DSCAM: variants seen among roughly 807,000 people sequenced by gnomAD.
DSCAM encodes DS cell adhesion molecule, also known as cell adhesion molecule DSCAM.
DSCAM carries 47 observed loss-of-function variants against 217.7 expected under a neutral mutation model. That is an observed-to-expected ratio of 0.22 (90% CI 0.17 to 0.28). The LOEUF is 0.28. Ranked by LOEUF, DSCAM falls within the 10% of genes least tolerant of loss-of-function variation. DSCAM has a pLI of 1.00. For synonymous variants in DSCAM, 1,056 were observed against 1,015.3 expected, an observed-to-expected ratio of 1.04 and a Z score of -0.76; for missense variants, 2,080 against 2,618.3, an observed-to-expected ratio of 0.79 and a Z score of 4.49.
intron 10 of DSCAM, among the ~76,000 whole-genome samples, chr21:40,280,903 G>C (rs1436449782): frequency 2.6e-5 from 4 of 152,148 alleles, no homozygotes; most frequent in Non-Finnish European, 5.9e-5. Flanking sequence ...AGGCTCCCAT[G>C]GGAAGGAACT....
chr21:40,681,403 T>G (rs542823598), intron 3 of DSCAM, among the ~76,000 whole-genome samples: 8 of 152,090 alleles, frequency 5.3e-5, no homozygotes, highest in Admixed American at 2.0e-4. Context: ...GGGACAGGGC[T>G]GCAGGGACCC....
intron 15 of DSCAM, 75 bp from the exon 16 acceptor site, chr21:40,167,363 G>C: frequency 7.6e-7 from 1 of 1,319,380 alleles, no homozygotes; most frequent in Non-Finnish European, 1.1e-6. Context: ...AGCCAAAGGT[G>C]GTCCCCGAGG....
At chr21:40,698,884 A>AGC in intron 2 of DSCAM, among the ~76,000 whole-genome samples, 1 of 150,488 alleles carries the variant, frequency 6.6e-6, no homozygotes, top group Non-Finnish European at 1.5e-5. Flanking sequence ...AAAAAAAAAA[A>AGC]AAAAAAAAAA....
chr21:40,573,625 A>G (rs576056306), intron 3 of DSCAM, among the ~76,000 whole-genome samples: 8 of 152,262 alleles, frequency 5.3e-5, no homozygotes, highest in African/African-American at 1.7e-4. Context: ...AAGCTAAGAA[A>G]AACAACTAAA....
chr21:40,779,330 C>T (rs929402581), intron 1 of DSCAM, among the ~76,000 whole-genome samples: 17 of 152,162 alleles, frequency 1.1e-4, no homozygotes, highest in Admixed American at 1.3e-4. Flanking sequence ...TTAAAAACTT[C>T]CTCAATCATT....
intron 1 of DSCAM, among the ~76,000 whole-genome samples, chr21:40,793,190 C>A (rs1175560685): frequency 6.6e-6 from 1 of 152,172 alleles, no homozygotes; most frequent in Non-Finnish European, 1.5e-5. Context: ...CTTAGTCCTT[C>A]AGCTGCTGGG....
At chr21:40,381,879 G>A (rs375654254) in intron 3 of DSCAM, among the ~76,000 whole-genome samples, 1 of 152,184 alleles carries the variant, frequency 6.6e-6, no homozygotes, top group Non-Finnish European at 1.5e-5. Flanking sequence ...TCAAATAGTG[G>A]TGATAAATAT....
chr21:40,186,705 C>T (rs183011141), intron 14 of DSCAM, among the ~76,000 whole-genome samples: 1 of 152,330 alleles, frequency 6.6e-6, no homozygotes. Context: ...CCGACCAACA[C>T]CAAGCACAGC....
At chr21:40,076,931 GGTAA>G (rs2089373630) in intron 26 of DSCAM, among the ~76,000 whole-genome samples, 1 of 152,170 alleles carries the variant, frequency 6.6e-6, no homozygotes. Flanking sequence ...TAAAGTGTCT[GGTAA>G]GTGTCAAAGT....
At chr21:40,468,858 C>T (rs2075865851) in intron 3 of DSCAM, among the ~76,000 whole-genome samples, 1 of 152,106 alleles carries the variant, frequency 6.6e-6, no homozygotes, top group African/African-American at 2.4e-5. Flanking sequence ...AAAATTACCT[C>T]CATCCAGGAG....
chr21:40,568,188 A>G (rs2146198848), intron 3 of DSCAM, among the ~76,000 whole-genome samples: 1 of 152,336 alleles, frequency 6.6e-6, no homozygotes, highest in Non-Finnish European at 1.5e-5. Context: ...CTAAGTCACA[A>G]CATCTTATCT....
chr21:40,208,506 G>C (rs1483649869), intron 11 of DSCAM, among the ~76,000 whole-genome samples: 1 of 152,136 alleles, frequency 6.6e-6, no homozygotes, highest in Non-Finnish European at 1.5e-5. Context: ...AAGGGTTTTC[G>C]GTTGAGCATG....
chr21:40,580,654 C>G (rs943571634), intron 3 of DSCAM, among the ~76,000 whole-genome samples: 3 of 151,974 alleles, frequency 2.0e-5, no homozygotes, highest in African/African-American at 7.2e-5. Flanking sequence ...AACTTCCACA[C>G]CAGTAGAAGA....
At chr21:40,170,663 A>G (rs2090647254) in intron 15 of DSCAM, among the ~76,000 whole-genome samples, 1 of 152,200 alleles carries the variant, frequency 6.6e-6, no homozygotes, top group Non-Finnish European at 1.5e-5. Context: ...CATGGAATGG[A>G]TTTCCCTCAC....
intron 1 of DSCAM, among the ~76,000 whole-genome samples, chr21:40,735,490 C>T (rs1423205093): frequency 6.6e-6 from 1 of 152,176 alleles, no homozygotes; most frequent in Non-Finnish European, 1.5e-5. Flanking sequence ...AAACTCTTGC[C>T]CAGTATTTCC....
At chr21:40,371,422 CAA>C (rs35103902) in intron 3 of DSCAM, among the ~76,000 whole-genome samples, 4 of 142,680 alleles carry the variant, frequency 2.8e-5, no homozygotes, top group Admixed American at 7.0e-5. Context: ...AAAGGAAAGT[CAA>C]AAAAAAAAAA....
intron 3 of DSCAM, among the ~76,000 whole-genome samples, chr21:40,471,032 T>C (rs947458527): frequency 6.6e-6 from 1 of 152,228 alleles, no homozygotes; most frequent in Admixed American, 6.5e-5. Flanking sequence ...TTCCATTTTC[T>C]CTAGCCATTT....
intron 1 of DSCAM, among the ~76,000 whole-genome samples, chr21:40,770,032 TAA>T (rs920482355): frequency 3.3e-5 from 5 of 152,252 alleles, no homozygotes; most frequent in Admixed American, 3.3e-4. Flanking sequence ...TGGCTCTGAA[TAA>T]AGTCTGCCTT....
intron 11 of DSCAM, among the ~76,000 whole-genome samples, chr21:40,222,830 T>A (rs544230029): frequency 3.7e-4 from 56 of 152,328 alleles, no homozygotes; most frequent in African/African-American, 1.3e-3. Flanking sequence ...GATTATAAAG[T>A]GGTCCTAGGA....
Sources: allele counts gnomAD v4.1 joint callset (sites outside exome capture counted in the v4.1 genomes callset), GRCh38; gene constraint gnomAD v4.1.1; transcripts MANE v1.5; gene names NCBI Gene and HGNC (gene_info 2026-07-23, HGNC 2026-07-21).